SLC35F3: variants seen among roughly 807,000 people sequenced by gnomAD.
SLC35F3 encodes solute carrier family 35 member F3, also known as putative thiamine transporter SLC35F3.
SLC35F3 carries 25 observed loss-of-function variants against 49.9 expected under a neutral mutation model. The observed-to-expected ratio is 0.50, with a 90% CI of 0.37 to 0.70. The LOEUF (loss-of-function observed/expected upper bound fraction) is 0.70. Ranked by LOEUF, SLC35F3 falls within the 30% of genes least tolerant of loss-of-function variation. The pLI is 0.00. For synonymous variants in SLC35F3, 275 were observed against 265.4 expected (o/e 1.04, Z -0.35); for missense variants, 525 against 639.8 (o/e 0.82, Z 1.94).
intron 3 of SLC35F3, among the ~76,000 whole-genome samples, chr1:234,244,554 T>C (rs1306081428): frequency 6.6e-6 from 1 of 151,920 alleles, no homozygotes; most frequent in Non-Finnish European, 1.5e-5. Context: ...GATAAACTAA[T>C]CCTATTCAGA....
intron 2 of SLC35F3, among the ~76,000 whole-genome samples, chr1:234,040,863 TG>T (rs766319873): frequency 6.6e-6 from 1 of 152,238 alleles, no homozygotes. Flanking sequence ...AAAACATGTC[TG>T]GGCCTGCCAC....
intron 3 of SLC35F3, among the ~76,000 whole-genome samples, chr1:234,297,804 A>G (rs1388226188): frequency 6.6e-6 from 1 of 152,066 alleles, no homozygotes; most frequent in Non-Finnish European, 1.5e-5. Flanking sequence ...TGGTTGCCAA[A>G]GGATAAGGGG....
chr1:234,292,445 A>AT (rs34157327), intron 3 of SLC35F3, among the ~76,000 whole-genome samples: 3 of 152,228 alleles, frequency 2.0e-5, no homozygotes, highest in Non-Finnish European at 4.4e-5. Flanking sequence ...CCAATGTCTG[A>AT]TTTTTAAATT....
intron 2 of SLC35F3, among the ~76,000 whole-genome samples, chr1:234,070,901 G>A (rs1306781827): frequency 6.6e-6 from 1 of 152,104 alleles, no homozygotes; most frequent in Non-Finnish European, 1.5e-5. Flanking sequence ...GTTACAATTG[G>A]AGACTGTTAG....
At chr1:233,980,819 AAAT>A (rs1663170521) in intron 2 of SLC35F3, among the ~76,000 whole-genome samples, 1 of 152,212 alleles carries the variant, frequency 6.6e-6, no homozygotes, top group South Asian at 2.1e-4. Flanking sequence ...TACTATTATC[AAAT>A]AATAATAGGC....
At chr1:234,310,017 A>T (rs527590101) in intron 4 of SLC35F3, among the ~76,000 whole-genome samples, 2 of 152,340 alleles carry the variant, frequency 1.3e-5, no homozygotes, top group Non-Finnish European at 2.9e-5. Flanking sequence ...GAAATAGGAC[A>T]CGTGCACTAT....
chr1:234,073,540 C>T (rs1377809772), intron 2 of SLC35F3, among the ~76,000 whole-genome samples: 1 of 152,210 alleles, frequency 6.6e-6, no homozygotes, highest in Non-Finnish European at 1.5e-5. Context: ...GCAGCCATTG[C>T]TGTTGGAGAC....
intron 2 of SLC35F3, among the ~76,000 whole-genome samples, chr1:234,121,133 CTTTTTTT>C (rs66702949): frequency 4.2e-4 from 43 of 102,794 alleles, no homozygotes; most frequent in African/African-American, 1.3e-3. Context: ...TGAAAAATTA[CTTTTTTT>C]TTTTTTTTTT....
intron 2 of SLC35F3, among the ~76,000 whole-genome samples, chr1:234,217,452 T>C (rs1038265946): frequency 6.6e-6 from 1 of 152,214 alleles, no homozygotes; most frequent in African/African-American, 2.4e-5. Flanking sequence ...AATTATCAAA[T>C]ACAAAGTAGT....
chr1:234,050,726 G>A (rs2102857373), intron 2 of SLC35F3, among the ~76,000 whole-genome samples: 1 of 152,290 alleles, frequency 6.6e-6, no homozygotes, highest in Non-Finnish European at 1.5e-5. Context: ...CCTATGTCCT[G>A]AATGATATTG....
At chr1:234,226,429 G>A (rs1054479055) in intron 2 of SLC35F3, among the ~76,000 whole-genome samples, 4 of 151,538 alleles carry the variant, frequency 2.6e-5, no homozygotes, top group Admixed American at 2.6e-4. Flanking sequence ...TTATTCTCGG[G>A]GAAGCTCATA....
intron 2 of SLC35F3, among the ~76,000 whole-genome samples, chr1:233,967,129 G>A (rs1662917271): frequency 6.6e-6 from 1 of 152,064 alleles, no homozygotes; most frequent in South Asian, 2.1e-4. Context: ...AATATTGCTT[G>A]GGACATACTT....
chr1:234,230,610 G>A (rs899999069), intron 2 of SLC35F3, among the ~76,000 whole-genome samples: 1 of 152,180 alleles, frequency 6.6e-6, no homozygotes, highest in Admixed American at 6.5e-5. Flanking sequence ...GGAAAATAAC[G>A]CCTTTTCACC....
At chr1:233,913,573 A>G (rs567549589) in intron 2 of SLC35F3, among the ~76,000 whole-genome samples, 3 of 152,332 alleles carry the variant, frequency 2.0e-5, no homozygotes, top group East Asian at 3.9e-4. Context: ...TGATTCTTCC[A>G]CAGTGCACAG....
chr1:234,012,041 G>A (rs1663729026), intron 2 of SLC35F3, among the ~76,000 whole-genome samples: 1 of 152,194 alleles, frequency 6.6e-6, no homozygotes, highest in Non-Finnish European at 1.5e-5. Context: ...GGAGAGCAGG[G>A]TGATAATAGG....
Position 234,316,696 on chromosome 1 carries a change from T to C in SLC35F3, c.923T>C (p.Val308Ala). 6.2e-7 allele frequency: 1 copy of C among 1,612,452 alleles called. No homozygotes were observed. ...SHSVIGIALV[V>A]ASASMSALYK... The stretch of plus-strand genomic sequence containing the variant: ...TCCGTCATCGGCATCGCACTGGTGG[T>C]GGCCTCAGCATCGATGTCTGCCCTC... Residue 308 changes from valine (V) to alanine (A), a missense_variant, in exon 5 of 8, where the codon GTG (valine) becomes GCG (alanine). Coordinates refer to ENST00000366618, the MANE Select transcript of SLC35F3 (RefSeq NM_173508.4).
intron 2 of SLC35F3, among the ~76,000 whole-genome samples, chr1:234,111,406 C>T (rs1347907936): frequency 1.3e-5 from 2 of 152,226 alleles, no homozygotes; most frequent in African/African-American, 4.8e-5. Context: ...ATTCTCCTGC[C>T]TCAGCCTCCT....
intron 2 of SLC35F3, among the ~76,000 whole-genome samples, chr1:233,956,880 G>A (rs1662713759): frequency 6.6e-6 from 1 of 152,196 alleles, no homozygotes; most frequent in Non-Finnish European, 1.5e-5. Flanking sequence ...GGCCCCCTAG[G>A]AATCCACACA....
intron 2 of SLC35F3, among the ~76,000 whole-genome samples, chr1:233,986,094 A>G (rs1663262474): frequency 6.6e-6 from 1 of 152,206 alleles, no homozygotes; most frequent in Non-Finnish European, 1.5e-5. Context: ...AGCTCATACA[A>G]TTGCTGGGAA....
Sources: allele counts gnomAD v4.1 joint callset (sites outside exome capture counted in the v4.1 genomes callset), GRCh38; gene constraint gnomAD v4.1.1; transcripts MANE v1.5; gene names NCBI Gene and HGNC (gene_info 2026-07-23, HGNC 2026-07-21).